The following PSD3 variants were observed in gnomAD, a reference collection of about 807,000 sequenced individuals.
PSD3 encodes pleckstrin and Sec7 domain containing 3.
A neutral mutation model predicts 105.5 loss-of-function variants in PSD3; 49 were observed. That is an observed-to-expected ratio of 0.46 (90% CI 0.37 to 0.59). The LOEUF (loss-of-function observed/expected upper bound fraction) is 0.59. PSD3 is among the 20% of genes least tolerant of loss of function. The probability of loss-of-function intolerance (pLI) is 0.00; values close to 1 mark genes in which losing one functional copy is unlikely to be tolerated. For synonymous variants in PSD3, 557 were observed against 457.8 expected (o/e 1.22, Z -2.77); for missense variants, 1,561 against 1,263.8 (o/e 1.24, Z -3.57).
At chr8:18,683,594 T>C (rs905540574) in intron 9 of PSD3, among the ~76,000 whole-genome samples, 2 of 152,186 alleles carry the variant, frequency 1.3e-5, no homozygotes, top group Non-Finnish European at 2.9e-5. Context: ...CACAGCATCT[T>C]TGTATCTGGA....
rs779382810 is a variant in PSD3 at position 18,936,068 on chromosome 8, T to C, written c.96A>G (p.Leu32=). Residue 32 remains leucine, a synonymous_variant, in exon 2 of 16, where the codon TTA becomes TTG. Coordinates refer to ENST00000327040, the MANE Select transcript of PSD3 (RefSeq NM_015310.4). ...QSVAKAKYEF[L]FGRSEGKAPD... ...GAGCTTTCCCTTCAGATCTGCCAAATAAAAATTCATATTTGGCCTTGGCAA... is the reference window on the plus strand; with the variant it reads ...GAGCTTTCCCTTCAGATCTGCCAAACAAAAATTCATATTTGGCCTTGGCAA... 3.1e-6 allele frequency: 5 copies of C among 1,613,272 alleles called. No homozygotes were observed. The highest frequency in any genetic ancestry group is 2.2e-5 in the South Asian group (2 of 91,050).
chr8:19,043,261 A>G (rs1377406089), intron 1 of PSD3, among the ~76,000 whole-genome samples: 1 of 152,204 alleles, frequency 6.6e-6, no homozygotes, highest in Admixed American at 6.5e-5. Flanking sequence ...GACTCCATAT[A>G]AACAGATTTT....
At chr8:18,716,004 G>A (rs901191967) in intron 9 of PSD3, among the ~76,000 whole-genome samples, 6 of 152,204 alleles carry the variant, frequency 3.9e-5, no homozygotes, top group African/African-American at 1.4e-4. Flanking sequence ...TGCTCTGGGT[G>A]CTTTAACGAA....
At chr8:18,765,390 G>T in intron 9 of PSD3, 59 bp downstream of exon 9, 3 of 1,429,350 alleles carry the variant, frequency 2.1e-6, no homozygotes, top group Non-Finnish European at 3.0e-6. Context: ...TTAGGATTAA[G>T]CTGTAAGCAG....
intron 14 of PSD3, among the ~76,000 whole-genome samples, chr8:18,560,175 T>TACACACACACACACACAC (rs5889808): frequency 1.2e-3 from 167 of 143,428 alleles, no homozygotes; most frequent in African/African-American, 1.8e-3. Flanking sequence ...ATACACATTT[T>TACACACACACACACACAC]ACACACACAC....
At chr8:18,563,295 T>C (rs773162920) in intron 14 of PSD3, among the ~76,000 whole-genome samples, 2 of 152,154 alleles carry the variant, frequency 1.3e-5, no homozygotes, top group African/African-American at 4.8e-5. Flanking sequence ...AAACCTAACA[T>C]AGTACCTGCT....
chr8:18,573,432 C>T (rs113573245), intron 13 of PSD3, among the ~76,000 whole-genome samples: 13,087 of 152,076 alleles, frequency 0.086, 795 homozygotes, highest in African/African-American at 0.17. Flanking sequence ...ATCACGCCAC[C>T]GCACTCCAGG....
chr8:18,853,260 A>C (rs1427441077), intron 4 of PSD3, among the ~76,000 whole-genome samples: 3 of 152,218 alleles, frequency 2.0e-5, no homozygotes, highest in Non-Finnish European at 2.9e-5. Flanking sequence ...TCCATAGTCA[A>C]GGCAAGCAAT....
intron 13 of PSD3, among the ~76,000 whole-genome samples, chr8:18,573,275 G>GC (rs1309691237): frequency 6.6e-6 from 1 of 152,134 alleles, no homozygotes; most frequent in African/African-American, 2.4e-5. Context: ...TTCAAGACCA[G>GC]CCTGGCCAAC....
At position 18,529,779 on chromosome 8, in the gene PSD3, C is replaced by A. The variant is rs28362577; in HGVS notation, c.*5964G>T. 1.6e-4 allele frequency: 24 copies of A among 152,538 alleles called. No individual in the cohort carries two copies. The highest frequency in any genetic ancestry group is 1.2e-3 in the East Asian group (6 of 5,186). 9.4% of individuals were successfully genotyped at this position (152,538 alleles called of 1,614,324 possible). On this transcript the variant is annotated 3_prime_UTR_variant, in exon 16 of 16. Transcript: ENST00000327040. ...AAATGGTTAAGGCCCAAAAATGAAA[C>A]GTTTTGCTTCTCCTACTCCTTTTCT...
At chr8:18,614,089 T>C (rs1401421771) in intron 11 of PSD3, among the ~76,000 whole-genome samples, 3 of 152,228 alleles carry the variant, frequency 2.0e-5, no homozygotes, top group Admixed American at 2.0e-4. Flanking sequence ...CATTGCGGTC[T>C]GGTTTGTCAT....
intron 10 of PSD3, among the ~76,000 whole-genome samples, chr8:18,652,389 G>A (rs1262308620): frequency 1.3e-5 from 2 of 151,954 alleles, no homozygotes; most frequent in Non-Finnish European, 2.9e-5. Context: ...TGAGGAAAAT[G>A]GGTCAGAGAA....
intron 4 of PSD3, among the ~76,000 whole-genome samples, chr8:18,813,937 A>G (rs1228219216): frequency 6.6e-6 from 1 of 152,216 alleles, no homozygotes; most frequent in African/African-American, 2.4e-5. Context: ...CACCAGCATC[A>G]TTAAGGTTAT....
In PSD3 at chr8:18,827,580, A is replaced by C. The variant is rs368975159; in HGVS notation, c.1635-22682T>G. On this transcript the variant is annotated intron_variant, in intron 4 of 15. Transcript: ENST00000327040. Reference sequence around the variant, plus strand: ...ATAGATTAAATGAATTGGAATTTATAAAGTGCTTAAAGCAGTATCTGGCAA... The same window carrying C: ...ATAGATTAAATGAATTGGAATTTATCAAGTGCTTAAAGCAGTATCTGGCAA... Among the ~76,000 whole-genome samples the C allele has an allele frequency of 4.3e-4, 65 of 152,356 alleles. No individual in the cohort carries two copies. The South Asian group carries it at 6.2e-3, about 15-fold the overall frequency.
intron 9 of PSD3, among the ~76,000 whole-genome samples, chr8:18,754,371 G>A (rs972516911): frequency 3.3e-5 from 5 of 152,146 alleles, no homozygotes; most frequent in Admixed American, 6.5e-5. Context: ...GCGACAGGGT[G>A]AGACTCCATC....
chr8:18,813,001 T>C (rs965576295), intron 4 of PSD3, among the ~76,000 whole-genome samples: 12 of 152,060 alleles, frequency 7.9e-5, no homozygotes, highest in Non-Finnish European at 1.6e-4. Context: ...GGACTCAAAA[T>C]TGAGACAGAA....
intron 1 of PSD3, among the ~76,000 whole-genome samples, chr8:18,972,152 T>A (rs1472689010): frequency 6.6e-6 from 1 of 152,210 alleles, no homozygotes; most frequent in Non-Finnish European, 1.5e-5. Context: ...TAGAGTATGA[T>A]CTGATGAAAG....
intron 4 of PSD3, among the ~76,000 whole-genome samples, chr8:18,812,614 G>A (rs1350669846): frequency 6.6e-6 from 1 of 152,114 alleles, no homozygotes; most frequent in Non-Finnish European, 1.5e-5. Context: ...TTAGTCCTGA[G>A]CAACTTCAAG....
chr8:18,778,863 T>C (rs1808342296), intron 8 of PSD3, among the ~76,000 whole-genome samples: 1 of 152,120 alleles, frequency 6.6e-6, no homozygotes, highest in African/African-American at 2.4e-5. Context: ...TGTGCTGGTA[T>C]TTTGCTGAGG....
Sources: gnomAD v4.1 joint callset for allele counts (sites outside exome capture counted in the v4.1 genomes callset) on GRCh38, gnomAD v4.1.1 for gene constraint, MANE v1.5 for transcripts, NCBI Gene and HGNC (gene_info 2026-07-23, HGNC 2026-07-21) for gene names.